RBCK1: variants seen among roughly 807,000 people sequenced by gnomAD.
RBCK1 encodes RANBP2-type and C3HC4-type zinc finger containing 1.
A neutral mutation model predicts 71.1 loss-of-function variants in RBCK1; 44 were observed. That is an observed-to-expected ratio of 0.62 (90% CI 0.49 to 0.80). RBCK1 has a LOEUF of 0.80. Ranked by LOEUF, RBCK1 falls within the 30% of genes least tolerant of loss-of-function variation. The probability of loss-of-function intolerance (pLI) is 0.00; values close to 1 mark genes in which losing one functional copy is unlikely to be tolerated. For synonymous variants in RBCK1, 306 were observed against 279.7 expected, an observed-to-expected ratio of 1.09 and a Z score of -0.94; for missense variants, 569 against 685.0, an observed-to-expected ratio of 0.83 and a Z score of 1.89.
rs1288469188 is a variant in RBCK1, at chr20:427,336, G to A, written c.1053G>A (p.Gln351=). The change falls in exon 9 of 12, where the codon CAG becomes CAA. Residue 351 remains glutamine, a synonymous_variant. Transcript: ENST00000356286. ...IKALLTPEDY[Q]RFLDLGISIA... ...AGCTCCTGACCCCTGAGGATTACCA[G>A]CGATTTCTAGACCTGGGCATCTCCA... 2.5e-6 allele frequency: 4 copies of A among 1,614,008 alleles called. No individual in the cohort carries two copies. The highest frequency in any genetic ancestry group is 3.4e-6 in the Non-Finnish European group (4 of 1,180,034).
chr20:426,568 T>C (rs554620017), intron 8 of RBCK1, among the ~76,000 whole-genome samples: 1 of 152,348 alleles, frequency 6.6e-6, no homozygotes, highest in South Asian at 2.1e-4. Flanking sequence ...CTCCATTGTA[T>C]ATATGTGCCA....
At position 417,531 on chromosome 20, in the gene RBCK1, G is replaced by C. The variant is rs143804674; in HGVS notation, c.173G>C (p.Trp58Ser). The change falls in exon 3 of 12, where the codon TGG becomes TCG. Residue 58 changes from tryptophan to serine, a missense_variant. Coordinates refer to ENST00000356286, the MANE Select transcript of RBCK1 (RefSeq NM_031229.4). This position sits in a 1 kb window ranked among gnomAD's most constrained non-coding sequence, Gnocchi z 4.7. ...GCCCCTGCTGTTCTCTGCAGGCTGT[G>C]GGTGAGCGTGGAGGATGCTCAGATG... ...EVSPTQDIRL[W>S]VSVEDAQMHT... 5.9e-5 allele frequency: 95 copies of C among 1,613,090 alleles called. No homozygotes were observed. In the African/African-American group the frequency reaches 1.1e-3, roughly 18 times the overall value.
Position 428,871 on chromosome 20 carries a change from C to T in RBCK1, c.1309-80C>T. The T allele has an allele frequency of 3.3e-6, 5 of 1,501,232 alleles. No individual in the cohort carries two copies. The highest frequency in any genetic ancestry group is 2.4e-4 in the Middle Eastern group (1 of 4,084). 93.0% of individuals were successfully genotyped at this position (1,501,232 alleles called of 1,614,324 possible). A position where few individuals can be genotyped will look rare whatever the true frequency, so the allele number is the denominator to read the frequency against. On this transcript the variant is annotated intron_variant, in intron 10 of 11. Transcript: ENST00000356286. This position sits in a 1 kb window ranked among gnomAD's most constrained non-coding sequence, Gnocchi z 5.7. ...ACTCCACAGCTCTAGAGGGTCACCA[C>T]CTTCTCCCTGCCATGGGGAGGGGCC...
At chr20:416,211 G>A (rs1001087497) in intron 2 of RBCK1, among the ~76,000 whole-genome samples, 8 of 148,746 alleles carry the variant, frequency 5.4e-5, no homozygotes, top group African/African-American at 2.0e-4. Flanking sequence ...GCTGGAGTGC[G>A]GTGGCGCAAT....
Position 409,912 on chromosome 20 carries a change from A to G in RBCK1, c.54A>G (p.Ala18=). ...AAATGGCCCTGAGCCTCACCCGAGCAGTGGCGGGCGGGGATGAACAGGTGG... is the reference window on the plus strand; with the variant it reads ...AAATGGCCCTGAGCCTCACCCGAGCGGTGGCGGGCGGGGATGAACAGGTGG... ...AEEMALSLTR[A]VAGGDEQVAM... Residue 18 remains alanine, a synonymous_variant, in exon 2 of 12, where the codon GCA becomes GCG. Coordinates refer to ENST00000356286, the MANE Select transcript of RBCK1 (RefSeq NM_031229.4). The G allele has an allele frequency of 6.2e-7, 1 of 1,614,096 alleles. No individual in the cohort carries two copies.
At chr20:411,493 G>A (rs1443617419) in intron 2 of RBCK1, among the ~76,000 whole-genome samples, 2 of 152,094 alleles carry the variant, frequency 1.3e-5, no homozygotes, top group East Asian at 1.9e-4. Flanking sequence ...TCAGCTTCCC[G>A]AGTAGCTGGG....
chr20:421,056 G>A, intron 7 of RBCK1, 25 bp downstream of exon 7: 3 of 1,518,516 alleles, frequency 2.0e-6, no homozygotes, highest in Non-Finnish European at 2.7e-6. Flanking sequence ...CCCACCCCCG[G>A]CAATGCAGCT....
At chr20:410,308 C>T (rs1799608951) in intron 2 of RBCK1, 5 of 687,532 alleles carry the variant, frequency 7.3e-6, no homozygotes, top group East Asian at 5.3e-5. Context: ...GGAACAGTGA[C>T]GTAAACAAAT....
rs1159940445 is a variant in RBCK1, at chr20:417,285, G to A, written c.168-241G>A. The A allele has an allele frequency of 7.2e-6, 5 of 695,524 alleles. No individual in the cohort carries two copies. Among genetic ancestry groups the A allele is most frequent in the African/African-American group, 1.7e-5 (1 of 57,416 alleles). The allele number at this position is 695,524 out of a possible 1,614,324, so 43.1% of individuals were successfully genotyped here. On this transcript the variant is annotated intron_variant, in intron 2 of 11. Coordinates refer to ENST00000356286, the MANE Select transcript of RBCK1 (RefSeq NM_031229.4). This position sits in a 1 kb window ranked among gnomAD's most constrained non-coding sequence, Gnocchi z 4.7. ...GAGGTGCCAGATCATGGAGGCCCTC[G>A]TGTGCTGCCACGAGTTGATTCTAAG...
Position 430,208 on chromosome 20 carries a change from T to G in RBCK1, c.1453-142T>G. 1 of 687,964 alleles carries G rather than the reference T, an allele frequency of 1.5e-6. No homozygotes were observed. The highest frequency in any genetic ancestry group is 1.8e-5 in the South Asian group (1 of 55,876). The allele number at this position is 687,964 out of a possible 1,614,324, so 42.6% of individuals were successfully genotyped here. On this transcript the variant is annotated intron_variant, in intron 11 of 11. Coordinates refer to ENST00000356286, the MANE Select transcript of RBCK1 (RefSeq NM_031229.4). This position sits in a 1 kb window ranked among gnomAD's most constrained non-coding sequence, Gnocchi z 5.6. ...GGAGCCCAGAAAAGGCCTCAGTGACTCTCCATCAGGTAGCTGAGGCTGACC... is the reference window on the plus strand; with the variant it reads ...GGAGCCCAGAAAAGGCCTCAGTGACGCTCCATCAGGTAGCTGAGGCTGACC...
rs918401214 is a variant in RBCK1 at position 416,195 on chromosome 20, G to C, written c.168-1331G>C. On this transcript the variant is annotated intron_variant, in intron 2 of 11. Coordinates refer to ENST00000356286, the MANE Select transcript of RBCK1 (RefSeq NM_031229.4). Reference sequence around the variant, plus strand: ...TTTTGAGACAGAGTTTCACTCTGTTGCCCAGGCTGGAGTGCGGTGGCGCAA... The same window carrying C: ...TTTTGAGACAGAGTTTCACTCTGTTCCCCAGGCTGGAGTGCGGTGGCGCAA... 3.8e-5 allele frequency among the ~76,000 whole-genome samples: 5 copies of C among 130,818 alleles called. No individual in the cohort carries two copies. In the Admixed American group the frequency reaches 4.3e-4, roughly 11 times the overall value. The allele number at this position is 130,818 out of a possible 152,430, so 85.8% of individuals were successfully genotyped here. A position where few individuals can be genotyped will look rare whatever the true frequency, so the allele number is the denominator to read the frequency against.
chr20:420,341 C>T (rs2016312011), intron 6 of RBCK1: 2 of 984,824 alleles, frequency 2.0e-6, no homozygotes, highest in South Asian at 4.7e-5. Context: ...CCCGAGTGCT[C>T]CCCATTCTGA....
chr20:412,353 C>T (rs914205512), intron 2 of RBCK1, among the ~76,000 whole-genome samples: 10 of 151,108 alleles, frequency 6.6e-5, no homozygotes, highest in African/African-American at 2.4e-4. Context: ...TGGAGTCTCG[C>T]TCTGTCACCC....
chr20:421,089 A>G (rs542885659), intron 7 of RBCK1, 58 bp downstream of exon 7: 857 of 1,476,008 alleles, frequency 5.8e-4, no homozygotes, highest in Non-Finnish European at 7.2e-4. Flanking sequence ...CCAATTACGC[A>G]GGGCTGGACG....
chr20:421,952 T>C, intron 7 of RBCK1, 175 bp from the exon 8 acceptor site: 1 of 579,754 alleles, frequency 1.7e-6, no homozygotes, highest in Admixed American at 3.0e-5. Context: ...GGAGGCAGGG[T>C]GGAGGCCTTG....
chr20:421,436 C>G (rs1448093209), intron 7 of RBCK1, among the ~76,000 whole-genome samples: 1 of 152,228 alleles, frequency 6.6e-6, no homozygotes, highest in Non-Finnish European at 1.5e-5. Context: ...CTTGTGGAGC[C>G]GCCCCTGGGT....
chr20:419,939 G>A (rs896148326), intron 6 of RBCK1: 2 of 984,740 alleles, frequency 2.0e-6, no homozygotes, highest in African/African-American at 3.5e-5. Context: ...GCTGAGACCC[G>A]CTCCCTGGCT....
intron 4 of RBCK1, among the ~76,000 whole-genome samples, chr20:418,711 T>A (rs542252619): frequency 2.1e-4 from 32 of 151,894 alleles, no homozygotes; most frequent in African/African-American, 7.0e-4. Context: ...ATAAAATTAT[T>A]TTTTTTCTGA....
intron 7 of RBCK1, 85 bp downstream of exon 7, chr20:421,116 C>G (rs925943714): frequency 7.1e-7 from 1 of 1,415,156 alleles, no homozygotes; most frequent in Admixed American, 2.5e-5. Flanking sequence ...GGGCCCTGTG[C>G]TCTGATACCT....
Sources: allele counts gnomAD v4.1 joint callset (sites outside exome capture counted in the v4.1 genomes callset), GRCh38; gene constraint gnomAD v4.1.1; non-coding constraint Gnocchi (gnomAD v3.1); transcripts MANE v1.5; gene names NCBI Gene and HGNC (gene_info 2026-07-23, HGNC 2026-07-21).